The following UVRAG variants were observed in gnomAD, a reference collection of about 807,000 sequenced individuals.
UVRAG encodes the protein UV radiation resistance associated, also known as UV radiation resistance-associated gene protein.
A neutral mutation model predicts 78.0 loss-of-function variants in UVRAG; 19 were observed. The observed-to-expected ratio is 0.24, with a 90% CI of 0.17 to 0.36. UVRAG has a LOEUF of 0.36. UVRAG is among the 10% of genes least tolerant of loss of function. The pLI, the probability that UVRAG is intolerant of heterozygous loss-of-function variation, is 1.00. For missense variants in UVRAG, 740 were observed against 853.8 expected, an observed-to-expected ratio of 0.87 and a Z score of 1.66; for synonymous variants, 323 against 324.6, an observed-to-expected ratio of 1.00 and a Z score of 0.05.
chr11:75,875,743 T>C (rs1946760695), intron 3 of UVRAG, among the ~76,000 whole-genome samples: 1 of 152,226 alleles, frequency 6.6e-6, no homozygotes, highest in South Asian at 2.1e-4. Context: ...TGTAGGGATT[T>C]GGTGGATTTA....
intron 13 of UVRAG, among the ~76,000 whole-genome samples, chr11:76,069,894 C>T (rs917667527): frequency 6.6e-6 from 1 of 152,020 alleles, no homozygotes; most frequent in South Asian, 2.1e-4. Flanking sequence ...AGGAAGCAAA[C>T]GTTTTTTGAG....
At chr11:76,106,149 T>C (rs549442317) in intron 13 of UVRAG, among the ~76,000 whole-genome samples, 1 of 152,282 alleles carries the variant, frequency 6.6e-6, no homozygotes, top group East Asian at 1.9e-4. Flanking sequence ...TAGAATAGAA[T>C]ACTACTCAGC....
chr11:75,903,376 T>C (rs1161995301), intron 5 of UVRAG, among the ~76,000 whole-genome samples: 2 of 152,234 alleles, frequency 1.3e-5, no homozygotes, highest in African/African-American at 4.8e-5. Context: ...AGACTTGCTG[T>C]GTTCTGGCCC....
intron 9 of UVRAG, among the ~76,000 whole-genome samples, chr11:76,004,646 G>A (rs1949891754): frequency 6.6e-6 from 1 of 150,992 alleles, no homozygotes; most frequent in African/African-American, 2.5e-5. Flanking sequence ...TTCATTCATA[G>A]ACAGGGTCTC....
At chr11:76,076,915 G>T (rs1951414578) in intron 13 of UVRAG, among the ~76,000 whole-genome samples, 1 of 150,748 alleles carries the variant, frequency 6.6e-6, no homozygotes, top group Admixed American at 6.6e-5. Context: ...CACTTGGGAG[G>T]CTGAGATGGG....
chr11:76,104,774 A>C (rs533776654), intron 13 of UVRAG, among the ~76,000 whole-genome samples: 1 of 152,340 alleles, frequency 6.6e-6, no homozygotes, highest in Admixed American at 6.5e-5. Flanking sequence ...TGTGGTCACT[A>C]TACGTGGCTG....
intron 7 of UVRAG, among the ~76,000 whole-genome samples, chr11:75,970,341 A>G (rs897232630): frequency 6.6e-6 from 1 of 152,232 alleles, no homozygotes; most frequent in Non-Finnish European, 1.5e-5. Flanking sequence ...TGGGTCAGGA[A>G]TTTCATTTTA....
chr11:76,097,932 TTG>T (rs1490617018), intron 13 of UVRAG, among the ~76,000 whole-genome samples: 3 of 152,210 alleles, frequency 2.0e-5, no homozygotes, highest in Non-Finnish European at 2.9e-5. Context: ...CATTCCATTT[TTG>T]TTGTTCTATC....
chr11:75,992,429 T>C (rs1210941773), intron 8 of UVRAG, among the ~76,000 whole-genome samples: 1 of 152,192 alleles, frequency 6.6e-6, no homozygotes, highest in Non-Finnish European at 1.5e-5. Context: ...GAGAATTACT[T>C]TGTATTCCCC....
intron 13 of UVRAG, among the ~76,000 whole-genome samples, chr11:76,082,557 AAAC>A (rs1951517119): frequency 6.6e-6 from 1 of 151,432 alleles, no homozygotes; most frequent in African/African-American, 2.4e-5. Flanking sequence ...AAAAAAAAAA[AAAC>A]ATAGGTAACA....
intron 6 of UVRAG, among the ~76,000 whole-genome samples, chr11:75,926,610 T>C (rs1948110732): frequency 6.6e-6 from 1 of 152,188 alleles, no homozygotes; most frequent in South Asian, 2.1e-4. Flanking sequence ...AATTAAAATA[T>C]ATTGTCCAGA....
intron 5 of UVRAG, among the ~76,000 whole-genome samples, chr11:75,901,581 A>G (rs962633138): frequency 6.6e-6 from 1 of 151,590 alleles, no homozygotes; most frequent in African/African-American, 2.4e-5. Context: ...CAATCCATCT[A>G]CTTTCTCAAG....
intron 12 of UVRAG, among the ~76,000 whole-genome samples, chr11:76,043,483 T>C (rs756904770): frequency 6.6e-6 from 1 of 152,198 alleles, no homozygotes; most frequent in Non-Finnish European, 1.5e-5. Context: ...TCTTGATATA[T>C]TGGTATGTGT....
intron 8 of UVRAG, among the ~76,000 whole-genome samples, chr11:75,985,007 A>G (rs535924618): frequency 2.6e-5 from 4 of 152,278 alleles, no homozygotes; most frequent in South Asian, 2.1e-4. Flanking sequence ...TTGAGTAGAA[A>G]CTGAGGAGTA....
chr11:76,069,083 A>G (rs1321648379), intron 13 of UVRAG, among the ~76,000 whole-genome samples: 1 of 152,236 alleles, frequency 6.6e-6, no homozygotes, highest in Non-Finnish European at 1.5e-5. Context: ...TTTCATCACA[A>G]CCAGAAGTAG....
chr11:75,850,820 T>G (rs551439627), intron 1 of UVRAG, among the ~76,000 whole-genome samples: 24 of 152,316 alleles, frequency 1.6e-4, no homozygotes, highest in African/African-American at 5.1e-4. Flanking sequence ...ATTTGAGGCT[T>G]TTCATACTTA....
intron 13 of UVRAG, among the ~76,000 whole-genome samples, chr11:76,075,039 A>G (rs367717508): frequency 6.6e-6 from 1 of 152,220 alleles, no homozygotes; most frequent in African/African-American, 2.4e-5. Context: ...GAAGGGATCA[A>G]TGCCAGCTTC....
At chr11:76,040,845 G>A (rs114771846) in intron 12 of UVRAG, among the ~76,000 whole-genome samples, 4 of 152,052 alleles carry the variant, frequency 2.6e-5, no homozygotes, top group South Asian at 2.1e-4. Flanking sequence ...GTGAGCCACC[G>A]GGCCTGGCCA....
chr11:75,884,465 G>C (rs1947033794), intron 4 of UVRAG, among the ~76,000 whole-genome samples: 1 of 151,886 alleles, frequency 6.6e-6, no homozygotes. Flanking sequence ...CATGCTTTTT[G>C]TGTCTTATCT....
Sources: gnomAD v4.1 joint callset for allele counts (sites outside exome capture counted in the v4.1 genomes callset) on GRCh38, gnomAD v4.1.1 for gene constraint, MANE v1.5 for transcripts, NCBI Gene and HGNC (gene_info 2026-07-23, HGNC 2026-07-21) for gene names.